The following XYLT2 variants were observed in gnomAD, a reference collection of about 807,000 sequenced individuals.
XYLT2 encodes the protein xylosyltransferase 2.
A neutral mutation model predicts 82.6 loss-of-function variants in XYLT2; 37 were observed. That is an observed-to-expected ratio of 0.45 (90% CI 0.34 to 0.59). The LOEUF (loss-of-function observed/expected upper bound fraction) is 0.59. Among genes scored for constraint, XYLT2 ranks in the 20% least tolerant of loss-of-function variants. The pLI, the probability that XYLT2 is intolerant of heterozygous loss-of-function variation, is 0.01. For missense variants in XYLT2, 934 were observed against 1,181.3 expected (o/e 0.79, Z 3.07); for synonymous variants, 474 against 499.0 (o/e 0.95, Z 0.67).
At chr17:50,353,036 T>C (rs1231114729) in intron 1 of XYLT2, among the ~76,000 whole-genome samples, 2 of 152,210 alleles carry the variant, frequency 1.3e-5, no homozygotes, top group East Asian at 3.8e-4. Context: ...GTGAATCTCA[T>C]GCCCTCTCAC....
chr17:50,353,886 C>T lies in XYLT2; in HGVS notation c.392C>T (p.Ala131Val), dbSNP rs766119207. 7.5e-6 allele frequency: 12 copies of T among 1,608,658 alleles called. No homozygotes were observed. The highest frequency in any genetic ancestry group is 2.7e-5 in the African/African-American group (2 of 74,880). The change falls in exon 2 of 11, where the codon GCG becomes GTG. Residue 131 changes from alanine to valine, a missense_variant. Ala to Val is a moderately conservative substitution (Grantham distance 64). This residue lies in a region of XYLT2 where 371 missense variants were observed against 394.9 expected (regional missense o/e 0.94). Coordinates refer to ENST00000017003, the MANE Select transcript of XYLT2 (RefSeq NM_022167.4). Reference sequence around the variant, plus strand: ...CTGAGTGGGGCAGCAGCTGGGGAGGCGCTGGTAGGGGCAGCTGGCTTCCCA... The same window carrying T: ...CTGAGTGGGGCAGCAGCTGGGGAGGTGCTGGTAGGGGCAGCTGGCTTCCCA... ...QNLSGAAAGE[A>V]LVGAAGFPPH...
chr17:50,354,685 G>A (rs1912432154), intron 3 of XYLT2, 102 bp downstream of exon 3: 2 of 1,521,214 alleles, frequency 1.3e-6, no homozygotes, highest in Non-Finnish European at 1.8e-6. Context: ...AGCCTAGGAG[G>A]GAAACTGAGG....
At chr17:50,347,575 G>A (rs1460752413) in intron 1 of XYLT2, among the ~76,000 whole-genome samples, 2 of 152,194 alleles carry the variant, frequency 1.3e-5, no homozygotes, top group East Asian at 3.9e-4. Flanking sequence ...GGGCAGATGG[G>A]ACATTCCAAG....
At chr17:50,352,152 C>T (rs1004619274) in intron 1 of XYLT2, among the ~76,000 whole-genome samples, 1 of 152,102 alleles carries the variant, frequency 6.6e-6, no homozygotes, top group African/African-American at 2.4e-5. Context: ...GGGGAAGGCC[C>T]GTGGGAGAGG....
intron 3 of XYLT2, 92 bp downstream of exon 3, chr17:50,354,675 A>G: frequency 7.2e-7 from 1 of 1,389,274 alleles, no homozygotes; most frequent in Admixed American, 2.6e-5. Flanking sequence ...TGGCCCAGGT[A>G]GCCTAGGAGG....
At chr17:50,352,700 C>T (rs72832447) in intron 1 of XYLT2, among the ~76,000 whole-genome samples, 3,147 of 152,262 alleles carry the variant, frequency 0.021, 53 homozygotes, top group Middle Eastern at 0.054. Flanking sequence ...GAAGCAGGGG[C>T]GCAGCAGCGG....
rs145509264 is a variant in XYLT2, at chr17:50,354,054, A to T, written c.560A>T (p.Asn187Ile). ...STKQCQQEIANVVCLHQAGSL... is the reference protein window; with the variant it reads ...STKQCQQEIAIVVCLHQAGSL... ...AAGCAGTGCCAGCAGGAGATCGCCA[A>T]TGTGGTGTGCCTGCACCAGGCTGGG... is the stretch of plus-strand genomic sequence containing the variant. Residue 187 changes from asparagine (N) to isoleucine (I), a missense_variant, in exon 2 of 11, where the codon AAT becomes ATT. Physicochemically the swap from Asn to Ile is moderately radical, Grantham distance 149. This residue lies in a region of XYLT2 where 371 missense variants were observed against 394.9 expected (regional missense o/e 0.94). Transcript: ENST00000017003. 1.2e-6 allele frequency: 2 copies of T among 1,608,366 alleles called. No individual in the cohort carries two copies. The highest frequency in any genetic ancestry group is 3.3e-5 in the Admixed American group (2 of 60,000).
intron 9 of XYLT2, chr17:50,357,879 C>A: frequency 3.3e-6 from 1 of 307,362 alleles, no homozygotes; most frequent in African/African-American, 2.1e-5. Flanking sequence ...CGCGCCTGGC[C>A]CCTCCTCATA....
Position 50,353,862 on chromosome 17 carries a change from T to G in XYLT2, c.368T>G (p.Leu123Arg). The G allele has an allele frequency of 6.2e-7, 1 of 1,608,212 alleles. No individual in the cohort carries two copies. Among genetic ancestry groups the G allele is most frequent in the Non-Finnish European group, 8.5e-7 (1 of 1,178,894 alleles). ...PPPEAPGRQNLSGAAAGEALV... is the reference protein window; with the variant it reads ...PPPEAPGRQNRSGAAAGEALV... ...CCGGAAGCCCCAGGCCGCCAGAACC[T>G]GAGTGGGGCAGCAGCTGGGGAGGCG... is the stretch of plus-strand genomic sequence containing the variant. Residue 123 changes from leucine to arginine, a missense_variant, in exon 2 of 11, where the codon CTG becomes CGG. By Grantham distance (102) the Leu-to-Arg change is moderately radical (BLOSUM62 -2). Transcript: ENST00000017003.
Position 50,360,914 on chromosome 17 carries a change from AGTG to A in XYLT2, c.*625_*627del. 1.0e-6 allele frequency: 1 copy of A among 985,910 alleles called. No individual in the cohort carries two copies. Among genetic ancestry groups the A allele is most frequent in the Non-Finnish European group, 1.2e-6 (1 of 830,032 alleles). 61.1% of individuals were successfully genotyped at this position (985,910 alleles called of 1,614,324 possible). A position where few individuals can be genotyped will look rare whatever the true frequency, so the allele number is the denominator to read the frequency against. Reference sequence around the variant, plus strand: ...TCTTTTGTAGCCAGGGGACCCTAGAAGTGGGGTGGGGCGGCTCCAGGGCTTTCC... The same window carrying A: ...TCTTTTGTAGCCAGGGGACCCTAGAAGGGTGGGGCGGCTCCAGGGCTTTCC... On this transcript the variant is annotated 3_prime_UTR_variant, in exon 11 of 11. Transcript: ENST00000017003.
chr17:50,355,094 G>A lies in XYLT2; in HGVS notation c.1007+38G>A, dbSNP rs1195189645. ...GGCTCTGAGTCCTCTGCATGGGAGGGGACCCCTGTCTGGGCACCTGGGGTT... is the reference window on the plus strand; with the variant it reads ...GGCTCTGAGTCCTCTGCATGGGAGGAGACCCCTGTCTGGGCACCTGGGGTT... On this transcript the variant is annotated intron_variant, in intron 4 of 10. Coordinates refer to ENST00000017003, the MANE Select transcript of XYLT2 (RefSeq NM_022167.4). 8 of 1,515,224 alleles carry A rather than the reference G, an allele frequency of 5.3e-6. No homozygotes were observed. The South Asian group carries it at 1.1e-4, about 20-fold the overall frequency. The allele number at this position is 1,515,224 out of a possible 1,614,324, so 93.9% of individuals were successfully genotyped here.
rs530143415 is a variant in XYLT2, at chr17:50,355,155, G to T, written c.1007+99G>T. ...GGTGGACCTTCTCTGCCCCATAAGC[G>T]TAACTCTGGGATCCGCCCTGCTCAG... On this transcript the variant is annotated intron_variant, in intron 4 of 10. Coordinates refer to ENST00000017003, the MANE Select transcript of XYLT2 (RefSeq NM_022167.4). The T allele has an allele frequency of 5.6e-5, 73 of 1,306,484 alleles. 2 individuals are homozygous for T. The Middle Eastern group carries it at 9.6e-4, about 17-fold the overall frequency. 80.9% of individuals were successfully genotyped at this position (1,306,484 alleles called of 1,614,324 possible). A position where few individuals can be genotyped will look rare whatever the true frequency, so the allele number is the denominator to read the frequency against.
chr17:50,356,869 C>G, intron 8 of XYLT2, 96 bp downstream of exon 8: 1 of 1,515,348 alleles, frequency 6.6e-7, no homozygotes, highest in Non-Finnish European at 8.8e-7. Context: ...CAACAAGGCC[C>G]CAGTCTGAAG....
chr17:50,355,002 C>G lies in XYLT2; in HGVS notation c.953C>G (p.Pro318Arg), dbSNP rs1912457883. ...LRSMRDLLEV[P>R]GWAWDFFINL... ...AGCATGCGGGACCTGCTAGAGGTGC[C>G]TGGCTGGGCCTGGGACTTCTTCATC... Residue 318 changes from proline (P) to arginine (R), a missense_variant, in exon 4 of 11, where the codon CCT (proline) becomes CGT (arginine). By Grantham distance (103) the Pro-to-Arg change is moderately radical. Coordinates refer to ENST00000017003, the MANE Select transcript of XYLT2 (RefSeq NM_022167.4). The G allele has an allele frequency of 6.5e-7, 1 of 1,545,524 alleles. No homozygotes were observed. Among genetic ancestry groups the G allele is most frequent in the East Asian group, 2.3e-5 (1 of 44,226 alleles).
chr17:50,353,404 G>A (rs1032643197), intron 1 of XYLT2, among the ~76,000 whole-genome samples: 2 of 152,202 alleles, frequency 1.3e-5, no homozygotes, highest in Non-Finnish European at 2.9e-5. Context: ...TGGGGGACGG[G>A]GGTGTTGGTA....
chr17:50,358,015 GC>G, intron 9 of XYLT2, 191 bp from the exon 10 acceptor site: 1 of 602,796 alleles, frequency 1.7e-6, no homozygotes, highest in Non-Finnish European at 2.9e-6. Flanking sequence ...CAGAATGGAA[GC>G]CTAGAACGAA....
chr17:50,346,819 C>T lies in XYLT2; in HGVS notation c.135+544C>T. 1.0e-6 allele frequency: 1 copy of T among 985,344 alleles called. No homozygotes were observed. The highest frequency in any genetic ancestry group is 1.2e-6 in the Non-Finnish European group (1 of 829,902). 61.0% of individuals were successfully genotyped at this position (985,344 alleles called of 1,614,324 possible). Reference sequence around the variant, plus strand: ...AGTGTGTACCCGGGAACTGAAGGAACAGGGAGTGACGCCGAAGGAGAGAAC... The same window carrying T: ...AGTGTGTACCCGGGAACTGAAGGAATAGGGAGTGACGCCGAAGGAGAGAAC... On this transcript the variant is annotated intron_variant, in intron 1 of 10. Transcript: ENST00000017003. The surrounding 1 kb of genome is among the most constrained non-coding windows in gnomAD (Gnocchi z 5.1).
Position 50,359,991 on chromosome 17 carries a change from A to G in XYLT2, c.2298A>G (p.Ala766=). The change falls in exon 11 of 11, where the codon GCA becomes GCG. Residue 766 remains alanine, a synonymous_variant. Coordinates refer to ENST00000017003, the MANE Select transcript of XYLT2 (RefSeq NM_022167.4). ...LRKDDASWLH[A]GPPHNEYMEQ... is the part of the protein sequence containing the mutation. ...CAGATGATGCCAGCTGGCTGCACGC[A>G]GGGCCACCCCACAACGAGTACATGG... 1 of 1,607,280 alleles carries G rather than the reference A, an allele frequency of 6.2e-7. No individual in the cohort carries two copies. Among genetic ancestry groups the G allele is most frequent in the Non-Finnish European group, 8.5e-7 (1 of 1,175,730 alleles).
At chr17:50,348,268 A>G (rs1327212546) in intron 1 of XYLT2, among the ~76,000 whole-genome samples, 1 of 152,218 alleles carries the variant, frequency 6.6e-6, no homozygotes, top group Non-Finnish European at 1.5e-5. Context: ...ATAGAATTAC[A>G]AAGGGGTTGG....
Sources: gnomAD v4.1 joint callset for allele counts (sites outside exome capture counted in the v4.1 genomes callset) on GRCh38, gnomAD v4.1.1 for gene constraint, gnomAD v4.1.1 regional missense constraint, Gnocchi (gnomAD v3.1) non-coding constraint, MANE v1.5 for transcripts, NCBI Gene and HGNC (gene_info 2026-07-23, HGNC 2026-07-21) for gene names.